The following CELF2 variants were observed in gnomAD, a reference collection of about 807,000 sequenced individuals.
CELF2 encodes the protein CUG triplet repeat RNA-binding protein 2.
A neutral mutation model predicts 62.6 loss-of-function variants in CELF2; 8 were observed. That is an observed-to-expected ratio of 0.13 (90% CI 0.07 to 0.23). The LOEUF is 0.23. CELF2 is among the 10% of genes least tolerant of loss of function. The probability of loss-of-function intolerance (pLI) is 1.00; values close to 1 mark genes in which losing one functional copy is unlikely to be tolerated. For synonymous variants in CELF2, 258 were observed against 250.0 expected (o/e 1.03, Z -0.30); for missense variants, 333 against 671.0 (o/e 0.50, Z 5.56).
the CELF2 span, among the ~76,000 whole-genome samples, chr10:10,707,003 ACTC>A: frequency 2.0e-5 from 3 of 152,146 alleles, no homozygotes; most frequent in Non-Finnish European, 4.4e-5. Flanking sequence ...CTAGCCCACT[ACTC>A]GGATTTCATC....
At chr10:11,192,783 T>C (rs1214505093) in intron 2 of CELF2, among the ~76,000 whole-genome samples, 1 of 152,124 alleles carries the variant, frequency 6.6e-6, no homozygotes, top group Non-Finnish European at 1.5e-5. Flanking sequence ...CCTAGAGGAA[T>C]TGAAACAGAG....
At chr10:10,904,415 A>G (rs2063174252) in intron 1 of CELF2, among the ~76,000 whole-genome samples, 2 of 151,932 alleles carry the variant, frequency 1.3e-5, no homozygotes. Flanking sequence ...TATTTTTTGT[A>G]AAGACAGAGT....
the CELF2 span, among the ~76,000 whole-genome samples, chr10:10,658,192 A>G: frequency 1.3e-5 from 2 of 152,114 alleles, no homozygotes; most frequent in Non-Finnish European, 2.9e-5. Flanking sequence ...AAAAAACCCT[A>G]ATACATGGTT....
intron 2 of CELF2, among the ~76,000 whole-genome samples, chr10:11,174,373 A>G (rs1207462654): frequency 6.6e-6 from 1 of 152,214 alleles, no homozygotes; most frequent in Non-Finnish European, 1.5e-5. Flanking sequence ...GACAGTGGAG[A>G]TGGCCTTGGA....
At chr10:10,955,349 G>C (rs1485635103) in intron 2 of CELF2, among the ~76,000 whole-genome samples, 1 of 152,184 alleles carries the variant, frequency 6.6e-6, no homozygotes, top group Non-Finnish European at 1.5e-5. Context: ...ATTGATGACT[G>C]ATGTTTTCAC....
chr10:10,749,250 G>A, the CELF2 span, among the ~76,000 whole-genome samples: 5 of 152,014 alleles, frequency 3.3e-5, no homozygotes, highest in African/African-American at 1.2e-4. Flanking sequence ...AGGATATTTG[G>A]GCTGGATATA....
intron 2 of CELF2, among the ~76,000 whole-genome samples, chr10:10,973,738 T>C (rs1228926403): frequency 6.6e-6 from 1 of 152,108 alleles, no homozygotes; most frequent in Non-Finnish European, 1.5e-5. Flanking sequence ...GGCTAATTTT[T>C]TTTATGTTTT....
At chr10:11,047,787 A>T (rs2063129690) in intron 1 of CELF2, among the ~76,000 whole-genome samples, 1 of 152,130 alleles carries the variant, frequency 6.6e-6, no homozygotes, top group Admixed American at 6.5e-5. Flanking sequence ...TTTTTCTGGG[A>T]TATAGACATT....
chr10:11,152,649 A>C (rs1416630269), intron 1 of CELF2, among the ~76,000 whole-genome samples: 1 of 152,218 alleles, frequency 6.6e-6, no homozygotes, highest in Admixed American at 6.5e-5. Context: ...CTTTTCTCCC[A>C]AAAAAGGAAA....
the CELF2 span, among the ~76,000 whole-genome samples, chr10:10,580,234 G>A: frequency 6.6e-6 from 1 of 152,074 alleles, no homozygotes; most frequent in African/African-American, 2.4e-5. Flanking sequence ...ACCTTCTAAA[G>A]TACAACCTTT....
chr10:10,503,601 C>A, the CELF2 span, among the ~76,000 whole-genome samples: 1 of 151,820 alleles, frequency 6.6e-6, no homozygotes, highest in South Asian at 2.1e-4. Flanking sequence ...GCTGCTTATA[C>A]CATTATGTTT....
chr10:11,122,033 C>G (rs10490953), intron 1 of CELF2, among the ~76,000 whole-genome samples: 3 of 152,168 alleles, frequency 2.0e-5, no homozygotes, highest in Admixed American at 1.3e-4. Context: ...CTGGAACGCT[C>G]CACACCCAGG....
At chr10:10,687,790 C>T in the CELF2 span, among the ~76,000 whole-genome samples, 1 of 152,214 alleles carries the variant, frequency 6.6e-6, no homozygotes. Context: ...TACATAATTT[C>T]TATTGCCCCA....
chr10:11,078,357 A>T lies in CELF2; in HGVS notation c.74+60194A>T, dbSNP rs149139386. ...ACTTATGCTTTGCTCACAGAAAATG[A>T]TTACCAAGGGAAGGGAATGAATTCA... On this transcript the variant is annotated intron_variant, in intron 1 of 12. Transcript: ENST00000633077. 2.7e-3 allele frequency among the ~76,000 whole-genome samples: 412 copies of T among 152,306 alleles called. 2 individuals are homozygous for T. Among genetic ancestry groups the T allele is most frequent in the Non-Finnish European group, 3.1e-3 (208 of 68,020 alleles).
chr10:11,107,486 G>A (rs2053828233), intron 1 of CELF2, among the ~76,000 whole-genome samples: 1 of 152,086 alleles, frequency 6.6e-6, no homozygotes, highest in Non-Finnish European at 1.5e-5. Context: ...TGGAGGAATG[G>A]CAACATTGTC....
intron 1 of CELF2, among the ~76,000 whole-genome samples, chr10:10,914,991 G>T (rs2064186496): frequency 6.6e-6 from 1 of 151,978 alleles, no homozygotes; most frequent in South Asian, 2.1e-4. Flanking sequence ...AATTAGCAGG[G>T]TGTGGTGGCA....
intron 9 of CELF2, among the ~76,000 whole-genome samples, chr10:11,298,504 A>G (rs1410111398): frequency 6.6e-6 from 1 of 152,258 alleles, no homozygotes; most frequent in East Asian, 1.9e-4. Flanking sequence ...ATGCCGGGGC[A>G]GAGGTTTAAG....
intron 1 of CELF2, among the ~76,000 whole-genome samples, chr10:10,874,703 A>T (rs1475161707): frequency 6.6e-6 from 1 of 152,190 alleles, no homozygotes; most frequent in Non-Finnish European, 1.5e-5. Context: ...AAATTCCTGA[A>T]GGCTCAACTC....
the CELF2 span, among the ~76,000 whole-genome samples, chr10:10,778,305 A>G: frequency 1.3e-5 from 2 of 152,220 alleles, no homozygotes; most frequent in Non-Finnish European, 2.9e-5. Context: ...GCCTTCCTGC[A>G]TGGATGTCCA....
Sources: allele counts gnomAD v4.1 joint callset (sites outside exome capture counted in the v4.1 genomes callset), GRCh38; gene constraint gnomAD v4.1.1; transcripts MANE v1.5; gene names NCBI Gene and HGNC (gene_info 2026-07-23, HGNC 2026-07-21).